NAALADL2: variants seen among roughly 807,000 people sequenced by gnomAD.
NAALADL2 encodes inactive N-acetylated-alpha-linked acidic dipeptidase-like protein 2.
In NAALADL2, 76 loss-of-function variants were observed where a neutral mutation model predicts 87.2. The ratio of observed to expected loss-of-function variants is 0.87; its 90% CI spans 0.72 to 1.05. The LOEUF is 1.05. NAALADL2 is among the 50% of genes least tolerant of loss of function. The pLI is 0.00. For synonymous variants in NAALADL2, 354 were observed against 331.0 expected (o/e 1.07, Z -0.75); for missense variants, 1,089 against 945.8 (o/e 1.15, Z -1.99).
intron 13 of NAALADL2, among the ~76,000 whole-genome samples, chr3:175,789,431 T>C (rs1472730131): frequency 6.6e-6 from 1 of 152,222 alleles, no homozygotes; most frequent in Non-Finnish European, 1.5e-5. Flanking sequence ...ATGTATTTTA[T>C]ACAATTGAAG....
intron 9 of NAALADL2, among the ~76,000 whole-genome samples, chr3:175,526,632 T>C (rs573163337): frequency 5.3e-5 from 8 of 149,546 alleles, no homozygotes; most frequent in Non-Finnish European, 1.2e-4. Flanking sequence ...GTTAAGAAAC[T>C]GGCCAGAGGT....
chr3:174,651,026 C>A, intron 2 of NAALADL2, among the ~76,000 whole-genome samples: 1 of 151,936 alleles, frequency 6.6e-6, no homozygotes, highest in African/African-American at 2.4e-5. Flanking sequence ...TCCTTTATCT[C>A]CTTCAGGAAA....
At position 175,781,136 on chromosome 3, in the gene NAALADL2, T is replaced by C. The variant is rs185507789; in HGVS notation, c.2190-21869T>C. Among the ~76,000 whole-genome samples, 7 of 152,356 alleles carry C rather than the reference T, an allele frequency of 4.6e-5. No homozygotes were observed. In the East Asian group the frequency reaches 1.3e-3, roughly 29 times the overall value. ...AAATGAAACCGTAAATAAAGTTGAATATGCACTTGTTTGAAATTTATATCC... is the reference window on the plus strand; with the variant it reads ...AAATGAAACCGTAAATAAAGTTGAACATGCACTTGTTTGAAATTTATATCC... On this transcript the variant is annotated intron_variant, in intron 13 of 13. Coordinates refer to ENST00000454872, the MANE Select transcript of NAALADL2 (RefSeq NM_207015.3).
intron 1 of NAALADL2, among the ~76,000 whole-genome samples, chr3:174,897,466 A>G (rs1378773510): frequency 6.6e-6 from 1 of 152,138 alleles, no homozygotes; most frequent in Non-Finnish European, 1.5e-5. Context: ...AAAACTAGAG[A>G]TATAATTTCA....
At chr3:175,408,088 C>G (rs954472394) in intron 5 of NAALADL2, among the ~76,000 whole-genome samples, 2 of 151,802 alleles carry the variant, frequency 1.3e-5, no homozygotes, top group African/African-American at 4.8e-5. Context: ...CTCATAGAAA[C>G]AGAGTAAGAA....
chr3:175,647,431 G>T, intron 11 of NAALADL2, among the ~76,000 whole-genome samples: 1 of 152,054 alleles, frequency 6.6e-6, no homozygotes, highest in East Asian at 1.9e-4. Flanking sequence ...TTAAAATATA[G>T]AAGCATATAA....
At chr3:174,743,797 AAAG>A (rs1476733169) in intron 3 of NAALADL2, among the ~76,000 whole-genome samples, 2 of 150,950 alleles carry the variant, frequency 1.3e-5, no homozygotes, top group African/African-American at 4.9e-5. Flanking sequence ...GCATAAGTCT[AAAG>A]AACATATTTT....
chr3:174,552,688 C>T (rs771724726), intron 2 of NAALADL2, among the ~76,000 whole-genome samples: 2 of 148,378 alleles, frequency 1.3e-5, no homozygotes, highest in African/African-American at 5.0e-5. Context: ...CCCAGCTACT[C>T]GGAAGGCTGA....
intron 13 of NAALADL2, among the ~76,000 whole-genome samples, chr3:175,797,408 AT>A (rs1290384736): frequency 9.2e-5 from 14 of 152,294 alleles, no homozygotes; most frequent in African/African-American, 1.2e-4. Context: ...GATTTATTGA[AT>A]TAGATCTATG....
chr3:174,467,607 A>G, intron 1 of NAALADL2, among the ~76,000 whole-genome samples: 1 of 150,254 alleles, frequency 6.7e-6, no homozygotes. Flanking sequence ...AAAAAAAAAA[A>G]AAAAAAAAAA....
chr3:175,800,968 A>G (rs186053880), intron 13 of NAALADL2, among the ~76,000 whole-genome samples: 3 of 152,152 alleles, frequency 2.0e-5, no homozygotes, highest in Non-Finnish European at 4.4e-5. Flanking sequence ...GGCTTAGGGC[A>G]TTAGGTAGAT....
At chr3:174,442,572 A>G (rs888147626) in intron 1 of NAALADL2, among the ~76,000 whole-genome samples, 17 of 152,134 alleles carry the variant, frequency 1.1e-4, no homozygotes, top group African/African-American at 3.9e-4. Flanking sequence ...TACATAAAGC[A>G]TTATTATATT....
At chr3:174,600,835 C>T (rs1718379078) in intron 2 of NAALADL2, among the ~76,000 whole-genome samples, 1 of 152,084 alleles carries the variant, frequency 6.6e-6, no homozygotes, top group African/African-American at 2.4e-5. Context: ...GAGAATAGCA[C>T]CAAAAGGGGA....
chr3:174,872,733 TAC>T (rs140990241), intron 1 of NAALADL2, among the ~76,000 whole-genome samples: 4,684 of 148,040 alleles, frequency 0.032, 223 homozygotes, highest in African/African-American at 0.11. Flanking sequence ...CACACACACA[TAC>T]ACACACACAC....
intron 11 of NAALADL2, among the ~76,000 whole-genome samples, chr3:175,630,737 A>G (rs1727645640): frequency 6.6e-6 from 1 of 151,690 alleles, no homozygotes; most frequent in Non-Finnish European, 1.5e-5. Flanking sequence ...TATCACAGGT[A>G]TAGTATGCTT....
chr3:175,024,902 G>A (rs1188927912), intron 1 of NAALADL2, among the ~76,000 whole-genome samples: 1 of 151,960 alleles, frequency 6.6e-6, no homozygotes, highest in Non-Finnish European at 1.5e-5. Flanking sequence ...TCTGAGACTG[G>A]TATCGCCACC....
At chr3:174,710,062 A>G (rs1730467922) in intron 2 of NAALADL2, among the ~76,000 whole-genome samples, 1 of 152,168 alleles carries the variant, frequency 6.6e-6, no homozygotes, top group Admixed American at 6.5e-5. Flanking sequence ...CTAAGAAGAT[A>G]TTCTGTGATT....
intron 1 of NAALADL2, among the ~76,000 whole-genome samples, chr3:174,908,679 T>G (rs1311635625): frequency 6.6e-6 from 1 of 152,094 alleles, no homozygotes; most frequent in Admixed American, 6.6e-5. Context: ...TAATAAAAAT[T>G]TGACTTATAT....
rs73035510 is a variant in NAALADL2 at position 175,465,021 on chromosome 3, A to G, written c.1327+1528A>G. Among the ~76,000 whole-genome samples, 1,046 of 152,258 alleles carry G rather than the reference A, an allele frequency of 6.9e-3. 15 individuals are homozygous for G. The highest frequency in any genetic ancestry group is 0.024 in the African/African-American group (993 of 41,540). ...TCCTGGAATTGAAAAAATCGATTTT[A>G]CCATTAGTATTCTTCAGTATATGAT... On this transcript the variant is annotated intron_variant, in intron 7 of 13. Coordinates refer to ENST00000454872, the MANE Select transcript of NAALADL2 (RefSeq NM_207015.3).
Sources: allele counts gnomAD v4.1 joint callset (sites outside exome capture counted in the v4.1 genomes callset), GRCh38; gene constraint gnomAD v4.1.1; transcripts MANE v1.5; gene names NCBI Gene and HGNC (gene_info 2026-07-23, HGNC 2026-07-21).